The following FAM131C variants were observed in gnomAD, a reference collection of about 807,000 sequenced individuals.
FAM131C encodes protein FAM131C.
In FAM131C, 14 loss-of-function variants were observed where a neutral mutation model predicts 29.8. The ratio of observed to expected loss-of-function variants is 0.47; its 90% confidence interval spans 0.31 to 0.73. FAM131C has a LOEUF of 0.73. Among genes scored for constraint, FAM131C ranks in the 30% least tolerant of loss-of-function variants. The pLI is 0.05. For missense variants in FAM131C, 252 were observed against 383.8 expected, an observed-to-expected ratio of 0.66 and a Z score of 2.87; for synonymous variants, 86 against 157.8, an observed-to-expected ratio of 0.54 and a Z score of 3.41.
At chr1:16,069,350 T>G (rs990866140) in intron 1 of FAM131C, among the ~76,000 whole-genome samples, 3 of 152,208 alleles carry the variant, frequency 2.0e-5, no homozygotes, top group African/African-American at 7.2e-5. Flanking sequence ...CCTCAGTGCC[T>G]GGTGTAGGAC....
chr1:16,070,800 G>T (rs2124136651), intron 1 of FAM131C, among the ~76,000 whole-genome samples: 1 of 152,238 alleles, frequency 6.6e-6, no homozygotes, highest in Non-Finnish European at 1.5e-5. Flanking sequence ...TTTAGAGATG[G>T]GAACACTGAG....
At chr1:16,061,114 G>A (rs2023587362) in intron 4 of FAM131C, among the ~76,000 whole-genome samples, 1 of 152,174 alleles carries the variant, frequency 6.6e-6, no homozygotes, top group South Asian at 2.1e-4. Flanking sequence ...ATTTAAGTAG[G>A]AGGAAATATC....
At chr1:16,059,472 C>A in intron 6 of FAM131C, 22 bp downstream of exon 6, 2 of 1,610,510 alleles carry the variant, frequency 1.2e-6, no homozygotes, top group Non-Finnish European at 1.7e-6. Context: ...CACCCCCGCC[C>A]CCTGGACCCT....
chr1:16,064,184 T>C (rs900537638), intron 1 of FAM131C, among the ~76,000 whole-genome samples: 2 of 152,072 alleles, frequency 1.3e-5, no homozygotes, highest in African/African-American at 4.8e-5. Context: ...GCTGTCTTTG[T>C]TTCCTGCCAG....
At chr1:16,072,270 A>G (rs1332248771) in intron 1 of FAM131C, among the ~76,000 whole-genome samples, 1 of 152,176 alleles carries the variant, frequency 6.6e-6, no homozygotes, top group East Asian at 1.9e-4. Flanking sequence ...GATACCTCCC[A>G]GAGACATCCT....
At chr1:16,062,914 G>A (rs937190451) in intron 2 of FAM131C, among the ~76,000 whole-genome samples, 5 of 152,180 alleles carry the variant, frequency 3.3e-5, no homozygotes, top group African/African-American at 1.2e-4. Flanking sequence ...CATAACGGAG[G>A]CTGAGAAGAG....
intron 1 of FAM131C, among the ~76,000 whole-genome samples, chr1:16,072,560 C>T (rs538170206): frequency 1.3e-5 from 2 of 152,208 alleles, no homozygotes; most frequent in African/African-American, 2.4e-5. Flanking sequence ...TCAGCCCAAT[C>T]GCTTGTCTAA....
chr1:16,072,127 G>T (rs1463835747), intron 1 of FAM131C, among the ~76,000 whole-genome samples: 5 of 152,188 alleles, frequency 3.3e-5, no homozygotes, highest in African/African-American at 4.8e-5. Flanking sequence ...CTTGCTGCTG[G>T]ATGCCCAGCA....
rs746887638 is a variant in FAM131C at position 16,059,578 on chromosome 1, C to A, written c.478G>T (p.Glu160Ter). The A allele has an allele frequency of 6.2e-7, 1 of 1,601,478 alleles. No homozygotes were observed. Among genetic ancestry groups the A allele is most frequent in the Admixed American group, 1.7e-5 (1 of 59,004 alleles). ...AGVAEQFAITEATLSAWSSLD... is the reference protein window; with the variant it reads ...AGVAEQFAIT ...GAGGACCAAGCGCTCAGTGTGGCCTCTGTGATGGCAAACTGCTCGGCGACC... is the reference window on the plus strand; with the variant it reads ...GAGGACCAAGCGCTCAGTGTGGCCTATGTGATGGCAAACTGCTCGGCGACC... The change falls in exon 6 of 7, where the codon GAG becomes TAG. Residue 160 changes from glutamate to a stop codon, truncating the protein, a stop_gained. Coordinates refer to ENST00000375662, the MANE Select transcript of FAM131C (RefSeq NM_182623.3). LOFTEE classifies it high-confidence loss of function.
intron 1 of FAM131C, among the ~76,000 whole-genome samples, chr1:16,067,794 T>C (rs2023699007): frequency 6.6e-6 from 1 of 152,156 alleles, no homozygotes; most frequent in African/African-American, 2.4e-5. Context: ...GATCCTTGGG[T>C]GAGTCTGCAG....
At chr1:16,058,905 G>A (rs1252601315) in intron 6 of FAM131C, among the ~76,000 whole-genome samples, 188 bp from the exon 7 acceptor site, 3 of 152,256 alleles carry the variant, frequency 2.0e-5, no homozygotes, top group African/African-American at 2.4e-5. Flanking sequence ...GGCAGTAAAC[G>A]GAGGAGTTAA....
At chr1:16,070,043 G>A (rs1014196160) in intron 1 of FAM131C, among the ~76,000 whole-genome samples, 1 of 152,166 alleles carries the variant, frequency 6.6e-6, no homozygotes, top group South Asian at 2.1e-4. Flanking sequence ...GATTATAAGC[G>A]TGAGCCATAG....
chr1:16,066,760 G>T (rs1430347240), intron 1 of FAM131C, among the ~76,000 whole-genome samples: 3 of 152,218 alleles, frequency 2.0e-5, no homozygotes, highest in Non-Finnish European at 4.4e-5. Flanking sequence ...TTTTCTCTGT[G>T]TGTATTCTGG....
Position 16,057,955 on chromosome 1 carries a change from G to T in FAM131C, c.*482C>A, listed in dbSNP as rs2023505633. The T allele has an allele frequency of 6.3e-6, 1 of 159,072 alleles. No individual in the cohort carries two copies. Among genetic ancestry groups the T allele is most frequent in the South Asian group, 1.8e-4 (1 of 5,478 alleles). 9.9% of individuals were successfully genotyped at this position (159,072 alleles called of 1,614,324 possible). A position where few individuals can be genotyped will look rare whatever the true frequency, so the allele number is the denominator to read the frequency against. On this transcript the variant is annotated 3_prime_UTR_variant, in exon 7 of 7. Coordinates refer to ENST00000375662, the MANE Select transcript of FAM131C (RefSeq NM_182623.3). The stretch of plus-strand genomic sequence containing the variant: ...GATGTCCTGGGTGAAGAGAGCCGGG[G>T]AGCAGGTGCTTAGCTACCAGAAGTG...
At chr1:16,061,449 G>T (rs888652549) in intron 4 of FAM131C, among the ~76,000 whole-genome samples, 6 of 152,092 alleles carry the variant, frequency 3.9e-5, no homozygotes, top group Non-Finnish European at 8.8e-5. Context: ...AGCTGCTTCA[G>T]GTGCTGCTGC....
chr1:16,065,397 A>G (rs2023669159), intron 1 of FAM131C, among the ~76,000 whole-genome samples: 1 of 152,122 alleles, frequency 6.6e-6, no homozygotes. Context: ...CTGGAAGACA[A>G]TGGTCCCTGC....
At chr1:16,062,399 C>CCCCCCCCCCCCCCCCAA in intron 3 of FAM131C, 100 bp downstream of exon 3, 1 of 1,282,648 alleles carries the variant, frequency 7.8e-7, no homozygotes, top group Non-Finnish European at 1.1e-6. Context: ...CCCCCCGCCC[C>CCCCCCCCCCCCCCCCAA]AGGGCCAGCA....
intron 1 of FAM131C, among the ~76,000 whole-genome samples, chr1:16,071,454 C>T (rs1356267879): frequency 6.6e-6 from 1 of 152,226 alleles, no homozygotes; most frequent in Non-Finnish European, 1.5e-5. Context: ...GACTAGTATG[C>T]ACTCGGAGAG....
chr1:16,070,729 T>G (rs866505703), intron 1 of FAM131C, among the ~76,000 whole-genome samples: 2 of 152,222 alleles, frequency 1.3e-5, no homozygotes, highest in African/African-American at 4.8e-5. Context: ...ATGCCTTACA[T>G]GAATTAAGCC....
Sources: gnomAD v4.1 joint callset for allele counts (sites outside exome capture counted in the v4.1 genomes callset) on GRCh38, gnomAD v4.1.1 for gene constraint, MANE v1.5 for transcripts, NCBI Gene and HGNC (gene_info 2026-07-23, HGNC 2026-07-21) for gene names.